TFEC: variants seen among roughly 807,000 people sequenced by gnomAD.
The protein encoded by TFEC is class E basic helix-loop-helix protein 34.
TFEC carries 31 observed loss-of-function variants against 41.6 expected under a neutral mutation model. The ratio of observed to expected loss-of-function variants is 0.74; its 90% confidence interval spans 0.56 to 1.01. The LOEUF (loss-of-function observed/expected upper bound fraction) is 1.01, where lower values mean the gene tolerates loss of function less well. Among genes scored for constraint, TFEC ranks in the 50% least tolerant of loss-of-function variants. The pLI is 0.00. For synonymous variants in TFEC, 143 were observed against 140.6 expected (o/e 1.02, Z -0.12); for missense variants, 402 against 404.1 (o/e 0.99, Z 0.04).
chr7:116,116,452 G>C (rs1256468935), intron 1 of TFEC, among the ~76,000 whole-genome samples: 2 of 151,820 alleles, frequency 1.3e-5, no homozygotes, highest in African/African-American at 4.8e-5. Context: ...CTAATAATTA[G>C]AGTGTTACAC....
At chr7:116,020,415 A>G (rs942214301) in intron 1 of TFEC, among the ~76,000 whole-genome samples, 1 of 152,282 alleles carries the variant, frequency 6.6e-6, no homozygotes, top group South Asian at 2.1e-4. Flanking sequence ...GATCGCTGAA[A>G]CATTATTAAT....
At chr7:115,941,822 C>A in intron 7 of TFEC, 71 bp downstream of exon 7, 32 of 1,458,382 alleles carry the variant, frequency 2.2e-5, no homozygotes, top group East Asian at 1.0e-4. Context: ...TAAATGAGAC[C>A]AATGAAGAAA....
intron 3 of TFEC, among the ~76,000 whole-genome samples, chr7:116,089,551 A>C (rs1412096360): frequency 6.6e-6 from 1 of 152,166 alleles, no homozygotes; most frequent in Non-Finnish European, 1.5e-5. Context: ...CAATCATGAA[A>C]TATGCACTGG....
intron 3 of TFEC, among the ~76,000 whole-genome samples, chr7:116,106,471 C>G (rs1797720634): frequency 6.6e-6 from 1 of 152,190 alleles, no homozygotes; most frequent in South Asian, 2.1e-4. Context: ...CAACCTCCAC[C>G]TCCCAGGTTC....
intron 1 of TFEC, among the ~76,000 whole-genome samples, chr7:116,112,596 G>C (rs758797858): frequency 7.2e-5 from 11 of 151,942 alleles, no homozygotes; most frequent in Non-Finnish European, 1.3e-4. Context: ...AGACAGTAGA[G>C]GAACTGGAAA....
chr7:116,037,073 G>A (rs10224572), intron 3 of TFEC, among the ~76,000 whole-genome samples: 2 of 152,042 alleles, frequency 1.3e-5, no homozygotes, highest in African/African-American at 4.8e-5. Context: ...ATAAATAGTA[G>A]AGGAGAAGAT....
In TFEC at chr7:115,997,205, C is replaced by A. The variant is rs185225025; in HGVS notation, c.-72-12692G>T. 2.8e-4 allele frequency among the ~76,000 whole-genome samples: 43 copies of A among 152,292 alleles called. No homozygotes were observed. The East Asian group carries it at 7.9e-3, about 28-fold the overall frequency. The stretch of plus-strand genomic sequence containing the variant: ...GGTGGCCAGAGGGGTGCTTGTGTCA[C>A]CCCTCCCCAAGATCCAGGTAGCTCA... On this transcript the variant is annotated intron_variant, in intron 1 of 7. Coordinates refer to ENST00000265440, the MANE Select transcript of TFEC (RefSeq NM_012252.4).
chr7:116,005,178 G>A (rs962179579), intron 1 of TFEC, among the ~76,000 whole-genome samples: 2 of 152,160 alleles, frequency 1.3e-5, no homozygotes, highest in African/African-American at 4.8e-5. Flanking sequence ...ACAGTGAACT[G>A]GTACCAGTAA....
chr7:116,118,594 T>C (rs947008004), intron 1 of TFEC, among the ~76,000 whole-genome samples: 1 of 151,830 alleles, frequency 6.6e-6, no homozygotes, highest in African/African-American at 2.4e-5. Flanking sequence ...CAGGACACTC[T>C]CACTATTTTG....
intron 6 of TFEC, among the ~76,000 whole-genome samples, chr7:115,944,195 A>G (rs1040345980): frequency 1.3e-5 from 2 of 150,998 alleles, no homozygotes; most frequent in South Asian, 2.2e-4. Context: ...AACTTTTTAC[A>G]GTGCAAAAAC....
intron 1 of TFEC, among the ~76,000 whole-genome samples, chr7:116,009,954 G>C (rs1056457126): frequency 1.3e-5 from 2 of 152,152 alleles, no homozygotes; most frequent in African/African-American, 4.8e-5. Flanking sequence ...TCTACACAGA[G>C]GTCAGGGAAG....
chr7:116,058,657 A>G (rs1478981313), intron 3 of TFEC, among the ~76,000 whole-genome samples: 1 of 151,820 alleles, frequency 6.6e-6, no homozygotes, highest in African/African-American at 2.4e-5. Flanking sequence ...AACAAATATT[A>G]ATAAATTTAA....
intron 1 of TFEC, among the ~76,000 whole-genome samples, chr7:116,012,608 C>G (rs1189037489): frequency 6.6e-6 from 1 of 152,020 alleles, no homozygotes; most frequent in African/African-American, 2.4e-5. Flanking sequence ...AAACCCAAAA[C>G]TTACTATAGT....
In TFEC at chr7:115,948,581, G is replaced by A. The variant is rs189173097; in HGVS notation, c.515+2293C>T. Among the ~76,000 whole-genome samples, 394 of 152,206 alleles carry A rather than the reference G, an allele frequency of 2.6e-3. 2 individuals carry two copies. Among genetic ancestry groups the A allele is most frequent in the African/African-American group, 9.2e-3 (381 of 41,514 alleles). On this transcript the variant is annotated intron_variant, in intron 6 of 7. Transcript: ENST00000265440. The stretch of plus-strand genomic sequence containing the variant: ...ATAAATGTAATCTGGCATATAAACT[G>A]AACCAAAGACAAAAACCACATGATT...
At chr7:115,983,956 A>G (rs1171939298) in intron 2 of TFEC, among the ~76,000 whole-genome samples, 1 of 152,170 alleles carries the variant, frequency 6.6e-6, no homozygotes, top group Non-Finnish European at 1.5e-5. Flanking sequence ...AAATATTTCA[A>G]CTAAATTTAT....
intron 1 of TFEC, among the ~76,000 whole-genome samples, chr7:116,155,716 A>G (rs1052911426): frequency 2.6e-5 from 4 of 152,232 alleles, no homozygotes; most frequent in South Asian, 4.1e-4. Flanking sequence ...GACTGTTAAC[A>G]TATCAAAAAG....
intron 1 of TFEC, among the ~76,000 whole-genome samples, chr7:116,021,258 C>T (rs1168835914): frequency 6.6e-6 from 1 of 152,150 alleles, no homozygotes; most frequent in Non-Finnish European, 1.5e-5. Flanking sequence ...AAAGCACTAC[C>T]ATTAAAGGCA....
In TFEC at chr7:116,007,506, C is replaced by T. The variant is rs1794843993; in HGVS notation, c.-72-22993G>A. 1.3e-5 allele frequency among the ~76,000 whole-genome samples: 2 copies of T among 152,242 alleles called. 1 individual carries two copies. Among genetic ancestry groups the T allele is most frequent in the African/African-American group, 4.8e-5 (2 of 41,550 alleles). On this transcript the variant is annotated intron_variant, in intron 1 of 7. Transcript: ENST00000265440. ...ATGCTGGCTAGAAAGGTTCTTCATG[C>T]CCCCACACGGAGATATGATTATTTT...
chr7:115,974,406 TTATA>T (rs572119521), intron 2 of TFEC, 150 bp from the exon 3 acceptor site: 108 of 64,982 alleles, frequency 1.7e-3, no homozygotes, highest in South Asian at 0.014. Flanking sequence ...AACCTCAATA[TTATA>T]TATATATATA....
Sources: gnomAD v4.1 joint callset for allele counts (sites outside exome capture counted in the v4.1 genomes callset) on GRCh38, gnomAD v4.1.1 for gene constraint, MANE v1.5 for transcripts, NCBI Gene and HGNC (gene_info 2026-07-23, HGNC 2026-07-21) for gene names.